LRP1B: variants seen among roughly 807,000 people sequenced by gnomAD.
The protein encoded by LRP1B is low-density lipoprotein receptor-related protein 1B.
Under a neutral mutation model 556.6 loss-of-function variants are expected in LRP1B, and 217 were observed. The observed-to-expected ratio is 0.39, with a 90% CI of 0.35 to 0.44. LRP1B has a LOEUF of 0.44. Among genes scored for constraint, LRP1B ranks in the 20% least tolerant of loss-of-function variants. The pLI, the probability that LRP1B is intolerant of heterozygous loss-of-function variation, is 1.00. For synonymous variants in LRP1B, 2,047 were observed against 1,865.8 expected (o/e 1.10, Z -2.50); for missense variants, 5,053 against 5,620.8 (o/e 0.90, Z 3.23).
intron 1 of LRP1B, among the ~76,000 whole-genome samples, chr2:141,850,001 A>C (rs1235733231): frequency 6.6e-6 from 1 of 151,716 alleles, no homozygotes; most frequent in Non-Finnish European, 1.5e-5. Context: ...TCCAAAGTTG[A>C]ATCAGGCAAA....
intron 43 of LRP1B, among the ~76,000 whole-genome samples, chr2:140,585,340 C>T (rs969259875): frequency 1.3e-5 from 2 of 152,022 alleles, no homozygotes; most frequent in African/African-American, 4.8e-5. Flanking sequence ...TACTAAACAA[C>T]AGGTCTTATA....
At chr2:140,495,530 T>A (rs947464294) in intron 56 of LRP1B, 35 bp downstream of exon 56, 2 of 1,544,830 alleles carry the variant, frequency 1.3e-6, no homozygotes, top group Non-Finnish European at 1.8e-6. Flanking sequence ...TATGTATAAC[T>A]GAGGTTGGAT....
intron 2 of LRP1B, among the ~76,000 whole-genome samples, chr2:141,681,286 T>G (rs1481702789): frequency 5.9e-5 from 9 of 151,874 alleles, no homozygotes; most frequent in Admixed American, 5.9e-4. Context: ...GAGCAAGAGC[T>G]CGTCTCAAAA....
chr2:141,801,925 G>GT (rs768053922), intron 2 of LRP1B, among the ~76,000 whole-genome samples: 39 of 152,000 alleles, frequency 2.6e-4, no homozygotes, highest in Non-Finnish European at 5.2e-4. Flanking sequence ...AATTTGTCTG[G>GT]TAGGGCTGCC....
chr2:141,518,898 T>A (rs1684425245), intron 2 of LRP1B, among the ~76,000 whole-genome samples: 1 of 152,038 alleles, frequency 6.6e-6, no homozygotes, highest in Non-Finnish European at 1.5e-5. Flanking sequence ...TGCAGTGAGC[T>A]GAGATCGTGC....
chr2:140,996,941 A>G (rs1211594219), intron 15 of LRP1B, among the ~76,000 whole-genome samples: 1 of 151,978 alleles, frequency 6.6e-6, no homozygotes, highest in African/African-American at 2.4e-5. Flanking sequence ...TGGGTGTTTG[A>G]GCACAGCCAA....
intron 32 of LRP1B, among the ~76,000 whole-genome samples, chr2:140,792,412 A>G (rs1045442651): frequency 5.3e-5 from 8 of 152,142 alleles, no homozygotes; most frequent in Admixed American, 2.6e-4. Context: ...TCTTCGGGTC[A>G]TATGTATTTT....
rs77797339 is a variant in LRP1B, at chr2:141,688,217, C to T, written c.205+122062G>A. ...GTACATATAAATATACACACACACA[C>T]ACACACCCCTATTCTCACATGTATA... On this transcript the variant is annotated intron_variant, in intron 2 of 90. Coordinates refer to ENST00000389484, the MANE Select transcript of LRP1B (RefSeq NM_018557.3). Among the ~76,000 whole-genome samples, 800 of 151,896 alleles carry T rather than the reference C, an allele frequency of 5.3e-3. 2 individuals carry two copies. Among genetic ancestry groups the T allele is most frequent in the African/African-American group, 0.019 (775 of 41,484 alleles).
chr2:141,910,508 T>C (rs995912519), intron 1 of LRP1B, among the ~76,000 whole-genome samples: 7 of 152,098 alleles, frequency 4.6e-5, no homozygotes, highest in Non-Finnish European at 1.5e-5. Flanking sequence ...TCTAGTATTA[T>C]TAAAATTTGA....
chr2:141,983,126 T>C (rs972280768), intron 1 of LRP1B, among the ~76,000 whole-genome samples: 2 of 152,144 alleles, frequency 1.3e-5, no homozygotes, highest in East Asian at 3.9e-4. Context: ...AGGAGATGTT[T>C]TGGGTTGAGA....
chr2:141,057,074 G>A (rs573930908), intron 9 of LRP1B, among the ~76,000 whole-genome samples: 1 of 151,726 alleles, frequency 6.6e-6, no homozygotes, highest in South Asian at 2.1e-4. Context: ...CACTTTCACT[G>A]CTGGATCTTG....
At chr2:140,626,490 T>C (rs1294137709) in intron 41 of LRP1B, among the ~76,000 whole-genome samples, 3 of 152,174 alleles carry the variant, frequency 2.0e-5, no homozygotes, top group African/African-American at 2.4e-5. Context: ...TTCTGTACTT[T>C]TTATTTACTC....
intron 41 of LRP1B, among the ~76,000 whole-genome samples, chr2:140,689,729 T>C (rs1455500937): frequency 6.6e-6 from 1 of 152,168 alleles, no homozygotes; most frequent in Non-Finnish European, 1.5e-5. Flanking sequence ...CATCCTTCTA[T>C]CCATTCCTAA....
intron 41 of LRP1B, among the ~76,000 whole-genome samples, chr2:140,640,919 C>T (rs1019614208): frequency 1.1e-4 from 17 of 152,052 alleles, no homozygotes; most frequent in African/African-American, 3.6e-4. Context: ...TTATCTTCTG[C>T]TTCTGTGACC....
intron 10 of LRP1B, among the ~76,000 whole-genome samples, chr2:141,051,723 T>C (rs752129154): frequency 1.6e-4 from 25 of 152,080 alleles, no homozygotes; most frequent in Non-Finnish European, 3.7e-4. Context: ...ACATATGTAG[T>C]GTATTTCCCA....
At chr2:141,928,506 T>C (rs868241326) in intron 1 of LRP1B, among the ~76,000 whole-genome samples, 3 of 152,138 alleles carry the variant, frequency 2.0e-5, no homozygotes, top group Admixed American at 6.6e-5. Flanking sequence ...TTAATGCTTA[T>C]ATTGTTCTTT....
At chr2:141,185,311 C>T (rs1349981597) in intron 7 of LRP1B, among the ~76,000 whole-genome samples, 1 of 151,986 alleles carries the variant, frequency 6.6e-6, no homozygotes, top group African/African-American at 2.4e-5. Flanking sequence ...AGTTCATAAC[C>T]ATTAAAGAAG....
intron 1 of LRP1B, among the ~76,000 whole-genome samples, chr2:142,072,421 A>ACTAAG (rs1344974860): frequency 6.6e-6 from 1 of 151,932 alleles, no homozygotes; most frequent in African/African-American, 2.4e-5. Context: ...TTTCTCAAGG[A>ACTAAG]CTAAGTCTAG....
At chr2:141,844,055 A>G (rs1184639818) in intron 1 of LRP1B, among the ~76,000 whole-genome samples, 3 of 152,114 alleles carry the variant, frequency 2.0e-5, no homozygotes, top group African/African-American at 7.2e-5. Flanking sequence ...CTGCACTATG[A>G]GCAATGAAGA....
Sources: allele counts gnomAD v4.1 joint callset (sites outside exome capture counted in the v4.1 genomes callset), GRCh38; gene constraint gnomAD v4.1.1; transcripts MANE v1.5; gene names NCBI Gene and HGNC (gene_info 2026-07-23, HGNC 2026-07-21).